Variants in GNA12 observed in about 807,000 individuals in gnomAD.
The protein encoded by GNA12 is guanine nucleotide-binding protein subunit alpha-12.
In GNA12, 9 loss-of-function variants were observed where a neutral mutation model predicts 26.0. The ratio of observed to expected loss-of-function variants is 0.35; its 90% CI spans 0.21 to 0.60. The LOEUF (loss-of-function observed/expected upper bound fraction) is 0.60. GNA12 is among the 20% of genes least tolerant of loss of function. The probability of loss-of-function intolerance (pLI) is 0.78; values close to 1 mark genes in which losing one functional copy is unlikely to be tolerated. For missense variants in GNA12, 405 were observed against 525.8 expected, an observed-to-expected ratio of 0.77 and a Z score of 2.25; for synonymous variants, 264 against 219.6, an observed-to-expected ratio of 1.20 and a Z score of -1.79.
intron 2 of GNA12, among the ~76,000 whole-genome samples, chr7:2,773,883 G>C (rs1562421176): frequency 6.6e-6 from 1 of 152,186 alleles, no homozygotes; most frequent in Non-Finnish European, 1.5e-5. Flanking sequence ...ATCACCAGGA[G>C]GGCAGGGAAC....
rs962669467 is a variant in GNA12, at chr7:2,775,129, G to A, written c.525+19799C>T. Among the ~76,000 whole-genome samples the A allele has an allele frequency of 1.1e-4, 17 of 152,274 alleles. No homozygotes were observed. In the East Asian group the frequency reaches 3.3e-3, roughly 29 times the overall value. On this transcript the variant is annotated intron_variant, in intron 2 of 3. Coordinates refer to ENST00000275364, the MANE Select transcript of GNA12 (RefSeq NM_007353.3). ...AATACATGCACAGAGTACCAAATTC[G>A]TAACAGGGGAGGAGGACGCTAGAGA...
At chr7:2,736,837 C>A (rs1445213750) in intron 2 of GNA12, among the ~76,000 whole-genome samples, 1 of 152,238 alleles carries the variant, frequency 6.6e-6, no homozygotes, top group East Asian at 1.9e-4. Context: ...CAGCAAGCTG[C>A]CCCTTCACAG....
chr7:2,748,714 T>C (rs529425759), intron 2 of GNA12, among the ~76,000 whole-genome samples: 4 of 152,340 alleles, frequency 2.6e-5, no homozygotes, highest in South Asian at 4.1e-4. Context: ...ACCATCAGCA[T>C]GAACAGGCAA....
At chr7:2,745,600 A>G (rs1790727234) in intron 2 of GNA12, among the ~76,000 whole-genome samples, 1 of 152,226 alleles carries the variant, frequency 6.6e-6, no homozygotes, top group Non-Finnish European at 1.5e-5. Context: ...GCTAGGAAAA[A>G]ACTGCATCAA....
chr7:2,791,244 C>G (rs945549597), intron 2 of GNA12, among the ~76,000 whole-genome samples: 1 of 152,224 alleles, frequency 6.6e-6, no homozygotes, highest in Non-Finnish European at 1.5e-5. Flanking sequence ...AAGATAAGGT[C>G]TAACATGGCG....
chr7:2,831,457 G>C (rs1480731114), intron 1 of GNA12, among the ~76,000 whole-genome samples: 1 of 87,568 alleles, frequency 1.1e-5, no homozygotes, highest in Non-Finnish European at 3.0e-5. Context: ...AGGCTGGAGT[G>C]CAGTGGCGCG....
At chr7:2,783,882 A>G (rs1300240481) in intron 2 of GNA12, among the ~76,000 whole-genome samples, 3 of 151,778 alleles carry the variant, frequency 2.0e-5, no homozygotes, top group African/African-American at 7.3e-5. Flanking sequence ...ACAGGGTTTC[A>G]CCACATTGGC....
intron 2 of GNA12, among the ~76,000 whole-genome samples, chr7:2,757,237 G>A (rs1277935321): frequency 4.2e-5 from 6 of 141,582 alleles, no homozygotes; most frequent in East Asian, 2.2e-4. Context: ...CCGGGTTCAC[G>A]CCATTCTCCT....
intron 2 of GNA12, among the ~76,000 whole-genome samples, chr7:2,749,081 A>G (rs1025394099): frequency 7.9e-5 from 12 of 152,310 alleles, no homozygotes; most frequent in Admixed American, 3.9e-4. Context: ...AACTAGTTCA[A>G]CCATTGTGGA....
At position 2,733,305 on chromosome 7, in the gene GNA12, C is replaced by T. The variant is rs558388698; in HGVS notation, c.576+146G>A. On this transcript the variant is annotated intron_variant, in intron 3 of 3. Transcript: ENST00000275364. ...GGGCCCAGATCCAAGTGAGAGCGTG[C>T]CATTACAGTACTATTCGTGGTAATG... The T allele has an allele frequency of 2.5e-4, 175 of 689,568 alleles. No individual in the cohort carries two copies. In the African/African-American group the frequency reaches 2.9e-3, roughly 12 times the overall value. 42.7% of individuals were successfully genotyped at this position (689,568 alleles called of 1,614,324 possible). A position where few individuals can be genotyped will look rare whatever the true frequency, so the allele number is the denominator to read the frequency against.
In GNA12 at chr7:2,768,121, T is replaced by C. The variant is rs146417795; in HGVS notation, c.525+26807A>G. 1.5e-3 allele frequency among the ~76,000 whole-genome samples: 225 copies of C among 152,274 alleles called. 1 individual carries two copies. The highest frequency in any genetic ancestry group is 0.014 in the Middle Eastern group (4 of 294). On this transcript the variant is annotated intron_variant, in intron 2 of 3. Transcript: ENST00000275364. ...CCACCTGCCTTGGCCTCCCAAAGTGTTGGGATTACAGGCATGAGCTACCGC... is the reference window on the plus strand; with the variant it reads ...CCACCTGCCTTGGCCTCCCAAAGTGCTGGGATTACAGGCATGAGCTACCGC...
At chr7:2,744,452 G>T (rs997799999) in intron 2 of GNA12, among the ~76,000 whole-genome samples, 120 of 152,348 alleles carry the variant, frequency 7.9e-4, no homozygotes, top group Non-Finnish European at 1.4e-3. Flanking sequence ...ACCTGCAGCT[G>T]AGGGTCCTGT....
intron 2 of GNA12, among the ~76,000 whole-genome samples, chr7:2,773,718 G>T (rs985423717): frequency 3.3e-5 from 5 of 152,170 alleles, no homozygotes; most frequent in Admixed American, 1.3e-4. Flanking sequence ...AAAAATCCAT[G>T]AACACTGAAC....
chr7:2,835,827 T>C (rs1402736952), intron 1 of GNA12: 1 of 645,840 alleles, frequency 1.5e-6, no homozygotes, highest in East Asian at 2.9e-5. Flanking sequence ...TGATGCCTTA[T>C]CAAATCGGTG....
intron 2 of GNA12, among the ~76,000 whole-genome samples, chr7:2,746,813 G>A (rs1473960618): frequency 2.6e-4 from 39 of 152,096 alleles, no homozygotes; most frequent in Admixed American, 2.6e-3. Flanking sequence ...TCAAATAGAT[G>A]CAATAAAAAA....
chr7:2,753,686 T>C (rs1791146310), intron 2 of GNA12, among the ~76,000 whole-genome samples: 1 of 152,230 alleles, frequency 6.6e-6, no homozygotes, highest in South Asian at 2.1e-4. Context: ...GTTTCATTTC[T>C]CTAGGGTAAA....
intron 2 of GNA12, among the ~76,000 whole-genome samples, chr7:2,740,590 T>C (rs894063004): frequency 6.6e-6 from 1 of 152,204 alleles, no homozygotes. Context: ...CCGACAAATA[T>C]AATTATGAAC....
At chr7:2,745,649 G>A (rs1406076965) in intron 2 of GNA12, among the ~76,000 whole-genome samples, 1 of 152,170 alleles carries the variant, frequency 6.6e-6, no homozygotes, top group Admixed American at 6.5e-5. Context: ...ATAATGACAG[G>A]ATCAAATTCA....
In GNA12 at chr7:2,815,034, T is replaced by C. The variant is rs1381146119; in HGVS notation, c.310-19891A>G. 17 of 1,498,848 alleles carry C rather than the reference T, an allele frequency of 1.1e-5. No individual in the cohort carries two copies. In the East Asian group the frequency reaches 3.5e-4, roughly 31 times the overall value. 92.8% of individuals were successfully genotyped at this position (1,498,848 alleles called of 1,614,324 possible). A position where few individuals can be genotyped will look rare whatever the true frequency, so the allele number is the denominator to read the frequency against. ...GCCCCTTCCACCCAATCCAGTCCCC[T>C]GTCAAAGCCACCAAGCGCCGCCACT... On this transcript the variant is annotated intron_variant, in intron 1 of 3. Coordinates refer to ENST00000275364, the MANE Select transcript of GNA12 (RefSeq NM_007353.3).
Sources: gnomAD v4.1 joint callset for allele counts (sites outside exome capture counted in the v4.1 genomes callset) on GRCh38, gnomAD v4.1.1 for gene constraint, MANE v1.5 for transcripts, NCBI Gene and HGNC (gene_info 2026-07-23, HGNC 2026-07-21) for gene names.